KIF18A: variants seen among roughly 807,000 people sequenced by gnomAD.
KIF18A encodes the protein kinesin-like protein KIF18A.
In KIF18A, 67 loss-of-function variants were observed where a neutral mutation model predicts 103.3. That is an observed-to-expected ratio of 0.65 (90% CI 0.53 to 0.79). KIF18A has a LOEUF of 0.79. KIF18A is among the 30% of genes least tolerant of loss of function. The probability of loss-of-function intolerance (pLI) is 0.00; values close to 1 mark genes in which losing one functional copy is unlikely to be tolerated. For synonymous variants in KIF18A, 367 were observed against 355.5 expected, an observed-to-expected ratio of 1.03 and a Z score of -0.36; for missense variants, 1,032 against 1,062.5, an observed-to-expected ratio of 0.97 and a Z score of 0.40.
At chr11:28,051,848 T>C (rs1243762085) in intron 13 of KIF18A, among the ~76,000 whole-genome samples, 3 of 152,068 alleles carry the variant, frequency 2.0e-5, no homozygotes, top group African/African-American at 7.2e-5. Flanking sequence ...GCCTACATGA[T>C]GTCTCCACTT....
chr11:28,042,382 C>T (rs1205967690), intron 13 of KIF18A, among the ~76,000 whole-genome samples: 1 of 151,886 alleles, frequency 6.6e-6, no homozygotes, highest in Non-Finnish European at 1.5e-5. Flanking sequence ...CACTCCCAAA[C>T]AATTAAAACA....
chr11:28,026,840 A>G (rs983852175), intron 15 of KIF18A, among the ~76,000 whole-genome samples: 5 of 151,840 alleles, frequency 3.3e-5, no homozygotes, highest in African/African-American at 1.2e-4. Context: ...AAGTAGACGA[A>G]ACAGATGATT....
chr11:28,046,575 T>C (rs545900060), intron 13 of KIF18A, among the ~76,000 whole-genome samples: 50 of 136,068 alleles, frequency 3.7e-4, no homozygotes, highest in African/African-American at 1.2e-3. Context: ...AGGGATAGCA[T>C]TGGGAGATAT....
chr11:28,060,989 C>G (rs758630507), intron 12 of KIF18A, among the ~76,000 whole-genome samples: 10 of 152,160 alleles, frequency 6.6e-5, no homozygotes, highest in Non-Finnish European at 1.5e-4. Context: ...AGACTTTGCG[C>G]CCTGTACCTT....
chr11:28,046,704 G>GA (rs1256467211), intron 13 of KIF18A, among the ~76,000 whole-genome samples: 85 of 44,948 alleles, frequency 1.9e-3, no homozygotes, highest in Admixed American at 9.7e-3. Flanking sequence ...AATAATAAAA[G>GA]AAAAAAAAAA....
At chr11:28,103,397 A>G (rs1232481172) in intron 1 of KIF18A, among the ~76,000 whole-genome samples, 3 of 151,996 alleles carry the variant, frequency 2.0e-5, no homozygotes, top group African/African-American at 4.8e-5. Flanking sequence ...AAACCTGAAG[A>G]AGAATATTTG....
intron 15 of KIF18A, among the ~76,000 whole-genome samples, chr11:28,032,469 A>G (rs892141013): frequency 4.6e-5 from 7 of 152,000 alleles, no homozygotes; most frequent in Non-Finnish European, 1.0e-4. Flanking sequence ...TTCAAATTAC[A>G]CTACAGAGCT....
At chr11:28,065,931 T>C (rs1374338478) in intron 11 of KIF18A, among the ~76,000 whole-genome samples, 2 of 152,078 alleles carry the variant, frequency 1.3e-5, no homozygotes, top group African/African-American at 2.4e-5. Flanking sequence ...CACTGAACTG[T>C]ATATGTACAC....
At chr11:28,037,997 T>A (rs952906146) in intron 13 of KIF18A, among the ~76,000 whole-genome samples, 2 of 151,694 alleles carry the variant, frequency 1.3e-5, no homozygotes, top group East Asian at 3.9e-4. Context: ...GGTTCCAAAT[T>A]ACTAGATTTT....
intron 15 of KIF18A, among the ~76,000 whole-genome samples, chr11:28,033,954 GCACCCCCTAATATATA>G (rs1254814297): frequency 6.6e-6 from 1 of 151,358 alleles, no homozygotes; most frequent in African/African-American, 2.4e-5. Context: ...AATATCCCAT[GCACCCCCTAATATATA>G]CACCTACTAC....
chr11:28,025,125 A>C (rs1850299691), intron 15 of KIF18A, among the ~76,000 whole-genome samples: 1 of 152,092 alleles, frequency 6.6e-6, no homozygotes, highest in African/African-American at 2.4e-5. Flanking sequence ...ACTGCGGTTG[A>C]CCATGGGTAA....
chr11:28,084,326 C>A (rs1851200158), intron 7 of KIF18A: 1 of 152,848 alleles, frequency 6.5e-6, no homozygotes, highest in African/African-American at 2.4e-5. Flanking sequence ...AGTGATTACT[C>A]CAAGATGCCA....
intron 12 of KIF18A, among the ~76,000 whole-genome samples, chr11:28,061,528 G>A (rs1384282185): frequency 1.3e-5 from 2 of 152,110 alleles, no homozygotes; most frequent in African/African-American, 4.8e-5. Context: ...TTCAGCTCTT[G>A]TAAGTGGTTT....
At chr11:28,049,251 G>T (rs11030196) in intron 13 of KIF18A, among the ~76,000 whole-genome samples, 12,196 of 151,800 alleles carry the variant, frequency 0.08, 656 homozygotes, top group Admixed American at 0.12. Flanking sequence ...AGTAGAGGGG[G>T]CTTTATATTT....
chr11:28,089,909 C>T (rs1334544828), intron 5 of KIF18A, among the ~76,000 whole-genome samples: 1 of 152,168 alleles, frequency 6.6e-6, no homozygotes, highest in Admixed American at 6.5e-5. Context: ...AGAAACATTT[C>T]TCTCAAGACT....
chr11:28,106,551 C>CAAAAAA (rs11301094), intron 1 of KIF18A, among the ~76,000 whole-genome samples: 1 of 82,334 alleles, frequency 1.2e-5, no homozygotes, highest in Non-Finnish European at 2.6e-5. Context: ...CAGTTGTCAG[C>CAAAAAA]AAAAAAAAAA....
At chr11:28,058,662 CAAAAAAAAAA>C (rs58273868) in intron 13 of KIF18A, among the ~76,000 whole-genome samples, 9 of 64,438 alleles carry the variant, frequency 1.4e-4, no homozygotes, top group South Asian at 1.1e-3. Context: ...ACCCTGTCAC[CAAAAAAAAAA>C]AAAAAAAAAA....
chr11:28,027,553 C>T (rs1249009749), intron 15 of KIF18A, among the ~76,000 whole-genome samples: 2 of 151,822 alleles, frequency 1.3e-5, no homozygotes, highest in Non-Finnish European at 2.9e-5. Context: ...ATTTTCTAGA[C>T]TTTTAAAAAT....
chr11:28,078,460 A>T (rs868597192), intron 9 of KIF18A, among the ~76,000 whole-genome samples: 1 of 152,210 alleles, frequency 6.6e-6, no homozygotes, highest in Middle Eastern at 3.4e-3. Flanking sequence ...ATCTAGACTT[A>T]TTTTAGGTGG....
Sources: allele counts gnomAD v4.1 joint callset (sites outside exome capture counted in the v4.1 genomes callset), GRCh38; gene constraint gnomAD v4.1.1; transcripts MANE v1.5; gene names NCBI Gene and HGNC (gene_info 2026-07-23, HGNC 2026-07-21).